Variants in PTK2 observed in about 807,000 individuals in gnomAD.
PTK2 encodes protein tyrosine kinase 2.
PTK2 carries 45 observed loss-of-function variants against 150.1 expected under a neutral mutation model. The ratio of observed to expected loss-of-function variants is 0.30; its 90% CI spans 0.24 to 0.38. The LOEUF (loss-of-function observed/expected upper bound fraction) is 0.38, where lower values mean the gene tolerates loss of function less well. Ranked by LOEUF, PTK2 falls within the 10% of genes least tolerant of loss-of-function variation. The pLI is 1.00. For synonymous variants in PTK2, 432 were observed against 449.2 expected (o/e 0.96, Z 0.48); for missense variants, 919 against 1,307.3 (o/e 0.70, Z 4.58).
intron 19 of PTK2, 73 bp from the exon 23 acceptor site, chr8:140,743,403 A>G: frequency 8.5e-7 from 1 of 1,176,828 alleles, no homozygotes; most frequent in South Asian, 1.3e-5. Flanking sequence ...ATATAAAGAC[A>G]TACCAATAGG....
intron 2 of PTK2, among the ~76,000 whole-genome samples, chr8:140,906,091 A>G (rs1170744580): frequency 6.6e-6 from 1 of 151,856 alleles, no homozygotes; most frequent in African/African-American, 2.4e-5. Flanking sequence ...AAGACATACA[A>G]AAGGCCAATA....
At chr8:140,687,706 T>A (rs1187576368) in intron 26 of PTK2, among the ~76,000 whole-genome samples, 1 of 152,192 alleles carries the variant, frequency 6.6e-6, no homozygotes, top group African/African-American at 2.4e-5. Flanking sequence ...CAGTTCCTAC[T>A]AGGCTTTTTG....
At chr8:140,726,456 C>T (rs1448840240) in intron 22 of PTK2, among the ~76,000 whole-genome samples, 1 of 152,144 alleles carries the variant, frequency 6.6e-6, no homozygotes, top group East Asian at 1.9e-4. Flanking sequence ...CACACCCAAG[C>T]ACATCCTACT....
rs377108744 is a variant in PTK2, at chr8:140,862,969, C to T, written c.450+1343G>A. Among the ~76,000 whole-genome samples the T allele has an allele frequency of 7.2e-4, 110 of 152,258 alleles. 3 individuals are homozygous for T. In the South Asian group the frequency reaches 0.022, roughly 30 times the overall value. ...TCCTATGTGACTACTTCTTCACAGA[C>T]AAGATGAAAACAGACACACCCCCGC... On this transcript the variant is annotated intron_variant, in intron 5 of 31. Coordinates refer to ENST00000522684, the Ensembl canonical transcript of PTK2.
chr8:140,789,922 T>A (rs184425962), intron 13 of PTK2, among the ~76,000 whole-genome samples: 3 of 152,282 alleles, frequency 2.0e-5, no homozygotes, highest in Non-Finnish European at 4.4e-5. Context: ...AAACATAATA[T>A]GAAATACTAC....
intron 2 of PTK2, among the ~76,000 whole-genome samples, chr8:140,894,230 T>C (rs1409973867): frequency 6.6e-6 from 1 of 152,058 alleles, no homozygotes; most frequent in African/African-American, 2.4e-5. Flanking sequence ...TGCCTGAGGA[T>C]CTAAGTCCAC....
intron 10 of PTK2, among the ~76,000 whole-genome samples, chr8:140,807,263 ATATC>A (rs1463068974): frequency 6.6e-6 from 1 of 152,274 alleles, no homozygotes; most frequent in Non-Finnish European, 1.5e-5. Flanking sequence ...CTGTATAAAA[ATATC>A]TAATTTATTG....
intron 4 of PTK2, among the ~76,000 whole-genome samples, chr8:140,872,821 T>C (rs372419827): frequency 2.6e-5 from 4 of 152,372 alleles, no homozygotes; most frequent in African/African-American, 7.2e-5. Flanking sequence ...TGTCATGCTG[T>C]ATGTCATATT....
chr8:140,953,792 A>C lies in PTK2; in HGVS notation c.-121-28043T>G, dbSNP rs577736648. ...CAGCTTTGCCATCTACTAATTTAGTAATCTTTTTTTTGAGATGGACTCTTG... is the reference window on the plus strand; with the variant it reads ...CAGCTTTGCCATCTACTAATTTAGTCATCTTTTTTTTGAGATGGACTCTTG... On this transcript the variant is annotated intron_variant, in intron 1 of 31. Coordinates refer to ENST00000522684, the Ensembl canonical transcript of PTK2. Among the ~76,000 whole-genome samples the C allele has an allele frequency of 3.3e-5, 5 of 152,170 alleles. No homozygotes were observed. The South Asian group carries it at 1.0e-3, about 32-fold the overall frequency.
chr8:140,932,890 C>T lies in PTK2; in HGVS notation c.-121-7141G>A, dbSNP rs866370213. On this transcript the variant is annotated intron_variant, in intron 1 of 31. Coordinates refer to ENST00000522684, the Ensembl canonical transcript of PTK2. ...TTTTTGAGATGAAGTCTTGCTCTGTCGCCCAGGCTAGAGTGCAGTGGGGCA... is the reference window on the plus strand; with the variant it reads ...TTTTTGAGATGAAGTCTTGCTCTGTTGCCCAGGCTAGAGTGCAGTGGGGCA... 4.6e-5 allele frequency among the ~76,000 whole-genome samples: 7 copies of T among 151,294 alleles called. No individual in the cohort carries two copies. In the Middle Eastern group the frequency reaches 0.01, roughly 222 times the overall value.
At position 140,668,257 on chromosome 8, in the gene PTK2, ACT is replaced by A. The variant is rs770279146; in HGVS notation, c.2865+10_2865+11del. The A allele has an allele frequency of 6.2e-7, 1 of 1,613,666 alleles. No individual in the cohort carries two copies. Among genetic ancestry groups the A allele is most frequent in the Middle Eastern group, 1.6e-4 (1 of 6,062 alleles). On this transcript the variant is annotated intron_variant, in intron 30 of 31. Coordinates refer to ENST00000522684, the Ensembl canonical transcript of PTK2. ...AACATTTTTGCCAGTACACAAAATG[ACT>A]CTATTTTACCTTCACCATAGGGACA...
intron 1 of PTK2, among the ~76,000 whole-genome samples, chr8:140,952,747 C>T (rs955738699): frequency 2.6e-5 from 4 of 152,170 alleles, no homozygotes; most frequent in Non-Finnish European, 5.9e-5. Flanking sequence ...TATCTGTCCT[C>T]CATTTACCAC....
intron 2 of PTK2, among the ~76,000 whole-genome samples, chr8:140,913,219 G>A (rs777503008): frequency 5.9e-5 from 9 of 151,746 alleles, no homozygotes; most frequent in African/African-American, 1.7e-4. Context: ...ACTAATAAGC[G>A]AATTTATAAT....
At chr8:140,856,928 T>C (rs1429111152) in intron 5 of PTK2, among the ~76,000 whole-genome samples, 5 of 152,182 alleles carry the variant, frequency 3.3e-5, no homozygotes, top group Non-Finnish European at 7.3e-5. Flanking sequence ...AGTTATGTGA[T>C]AAAGGAAGCA....
intron 1 of PTK2, among the ~76,000 whole-genome samples, chr8:140,930,015 G>A (rs2154608502): frequency 6.6e-6 from 1 of 152,274 alleles, no homozygotes; most frequent in East Asian, 1.9e-4. Flanking sequence ...CAGACCATCA[G>A]AAGACAAGCA....
chr8:140,806,193 G>C (rs1381506923), intron 10 of PTK2, among the ~76,000 whole-genome samples: 2 of 152,194 alleles, frequency 1.3e-5, no homozygotes, highest in African/African-American at 4.8e-5. Context: ...AAACCACAAA[G>C]TATGCTCTGC....
chr8:140,778,971 G>A (rs867823158), intron 14 of PTK2, among the ~76,000 whole-genome samples: 5 of 152,006 alleles, frequency 3.3e-5, no homozygotes, highest in Non-Finnish European at 5.9e-5. Context: ...GGAGAGAAGA[G>A]GTGCTGGGGC....
intron 29 of PTK2, chr8:140,668,636 A>G: frequency 2.0e-6 from 1 of 506,048 alleles, no homozygotes; most frequent in South Asian, 3.4e-5. Flanking sequence ...TCTAACTTTG[A>G]GCTCAGTTAA....
At chr8:140,966,976 A>G (rs1200359711) in intron 1 of PTK2, among the ~76,000 whole-genome samples, 2 of 152,168 alleles carry the variant, frequency 1.3e-5, no homozygotes, top group Non-Finnish European at 2.9e-5. Context: ...GCCTTCTATC[A>G]TTCTTTTCTC....
Sources: allele counts gnomAD v4.1 joint callset (sites outside exome capture counted in the v4.1 genomes callset), GRCh38; gene constraint gnomAD v4.1.1; transcripts MANE v1.5; gene names NCBI Gene and HGNC (gene_info 2026-07-23, HGNC 2026-07-21).